DPF3: variants seen among roughly 807,000 people sequenced by gnomAD.
DPF3 encodes double PHD fingers 3, also known as zinc finger protein DPF3.
DPF3 carries 18 observed loss-of-function variants against 56.8 expected under a neutral mutation model. That is an observed-to-expected ratio of 0.32 (90% CI 0.22 to 0.47). The LOEUF (loss-of-function observed/expected upper bound fraction) is 0.47, where lower values mean the gene tolerates loss of function less well. Ranked by LOEUF, DPF3 falls within the 20% of genes least tolerant of loss-of-function variation. The pLI is 1.00. For missense variants in DPF3, 403 were observed against 488.8 expected (o/e 0.82, Z 1.65); for synonymous variants, 188 against 180.2 (o/e 1.04, Z -0.35).
At chr14:72,823,230 C>G (rs1044340529) in intron 1 of DPF3, among the ~76,000 whole-genome samples, 4 of 152,218 alleles carry the variant, frequency 2.6e-5, no homozygotes, top group African/African-American at 9.6e-5. Context: ...CCCTCCAGTT[C>G]TCCAAGGGAT....
chr14:72,627,634 A>G (rs978758107), intron 9 of DPF3, among the ~76,000 whole-genome samples: 2 of 151,946 alleles, frequency 1.3e-5, no homozygotes, highest in Non-Finnish European at 2.9e-5. Context: ...CTATTTTTGC[A>G]TGTTTGTTTC....
intron 6 of DPF3, among the ~76,000 whole-genome samples, chr14:72,712,605 G>T (rs1888703190): frequency 6.6e-6 from 1 of 152,236 alleles, no homozygotes; most frequent in Admixed American, 6.5e-5. Flanking sequence ...GGGTGCAGTG[G>T]CTCACACCTG....
At chr14:72,638,941 T>C (rs540504433) in intron 8 of DPF3, among the ~76,000 whole-genome samples, 2 of 152,082 alleles carry the variant, frequency 1.3e-5, no homozygotes, top group Admixed American at 1.3e-4. Flanking sequence ...CTCAGCCTCC[T>C]GAGTAGCTGG....
At position 72,617,505 on chromosome 14, in the gene DPF3, T is replaced by C. The variant is rs1158001064; in HGVS notation, c.*1792A>G. ...GGAAGGAAATTACTTATGAGGAAGA[T>C]GAAAATTCCATCCGGTCGGGGGCCC... On this transcript the variant is annotated 3_prime_UTR_variant, in exon 11 of 11. Coordinates refer to ENST00000556509, the MANE Select transcript of DPF3 (RefSeq NM_001280542.3). Among the ~76,000 whole-genome samples, 3 of 152,098 alleles carry C rather than the reference T, an allele frequency of 2.0e-5. No individual in the cohort carries two copies. The highest frequency in any genetic ancestry group is 2.1e-4 in the South Asian group (1 of 4,820).
At chr14:72,796,649 C>G (rs74976562) in intron 1 of DPF3, among the ~76,000 whole-genome samples, 1 of 152,152 alleles carries the variant, frequency 6.6e-6, no homozygotes, top group East Asian at 1.9e-4. Context: ...ATTGTATGTG[C>G]ATTAATTCAT....
At chr14:72,682,825 G>A (rs756435003) in intron 7 of DPF3, among the ~76,000 whole-genome samples, 6 of 152,322 alleles carry the variant, frequency 3.9e-5, no homozygotes, top group East Asian at 1.9e-4. Flanking sequence ...AGTCAGAGAC[G>A]TCTGCCCTAC....
intron 7 of DPF3, among the ~76,000 whole-genome samples, chr14:72,684,056 A>G (rs1168123299): frequency 6.6e-6 from 1 of 152,042 alleles, no homozygotes; most frequent in African/African-American, 2.4e-5. Context: ...ATATATATAT[A>G]TTTTCTTAGA....
chr14:72,825,400 A>G (rs1883750790), intron 1 of DPF3, among the ~76,000 whole-genome samples: 1 of 152,244 alleles, frequency 6.6e-6, no homozygotes, highest in Non-Finnish European at 1.5e-5. Flanking sequence ...CCATTCATTC[A>G]TTTGCTCAAC....
Position 72,766,598 on chromosome 14 carries a change from C to T in DPF3, c.193+5135G>A, listed in dbSNP as rs115198314. The stretch of plus-strand genomic sequence containing the variant: ...TCCCAAGTAGCTGGGACTACAGGCA[C>T]GCACCAACACACCTGGATAATTTTT... On this transcript the variant is annotated intron_variant, in intron 2 of 10. Transcript: ENST00000556509. 5.0e-3 allele frequency among the ~76,000 whole-genome samples: 756 copies of T among 152,224 alleles called. 9 individuals are homozygous for T. Among genetic ancestry groups the T allele is most frequent in the African/African-American group, 0.017 (716 of 41,532 alleles).
rs576282635 is a variant in DPF3 at position 72,701,868 on chromosome 14, C to T, written c.605-8655G>A. ...TCTGCCCCGTGGCACTGACATACAA[C>T]CCTGAGGACACCGCTTCCTTCTCTC... On this transcript the variant is annotated intron_variant, in intron 6 of 10. Coordinates refer to ENST00000556509, the MANE Select transcript of DPF3 (RefSeq NM_001280542.3). 1.8e-4 allele frequency among the ~76,000 whole-genome samples: 28 copies of T among 152,280 alleles called. 1 individual carries two copies. The South Asian group carries it at 5.8e-3, about 32-fold the overall frequency.
At chr14:72,860,159 T>G (rs1885339520) in intron 1 of DPF3, among the ~76,000 whole-genome samples, 1 of 147,790 alleles carries the variant, frequency 6.8e-6, no homozygotes, top group Non-Finnish European at 1.5e-5. Flanking sequence ...AATTTCACTT[T>G]TATTTTTATT....
chr14:72,794,887 C>T (rs1213204468), intron 1 of DPF3, among the ~76,000 whole-genome samples: 2 of 152,138 alleles, frequency 1.3e-5, no homozygotes, highest in African/African-American at 2.4e-5. Flanking sequence ...TTTCCAGCAG[C>T]TGGTGGCCTC....
chr14:72,810,093 C>T (rs1882971557), intron 1 of DPF3, among the ~76,000 whole-genome samples: 1 of 152,202 alleles, frequency 6.6e-6, no homozygotes, highest in African/African-American at 2.4e-5. Flanking sequence ...ATGCCTTCTT[C>T]CATAGCAATC....
intron 1 of DPF3, among the ~76,000 whole-genome samples, chr14:72,825,572 G>C (rs1883759859): frequency 6.6e-6 from 1 of 152,198 alleles, no homozygotes; most frequent in Admixed American, 6.5e-5. Context: ...GAACACCGCA[G>C]GGCGGGTGCA....
chr14:72,734,788 C>T (rs1889820739), intron 3 of DPF3, among the ~76,000 whole-genome samples: 1 of 152,184 alleles, frequency 6.6e-6, no homozygotes, highest in Non-Finnish European at 1.5e-5. Context: ...CAAGTTGCCA[C>T]TGAAATCACG....
At position 72,649,666 on chromosome 14, in the gene DPF3, G is replaced by GGGGC. The variant is rs1567189121; in HGVS notation, c.872-19931_872-19930insGCCC. Among the ~76,000 whole-genome samples the GGGGC allele has an allele frequency of 1.5e-5, 2 of 129,598 alleles. 1 individual carries two copies. Among genetic ancestry groups the GGGGC allele is most frequent in the African/African-American group, 5.7e-5 (2 of 35,376 alleles). The allele number at this position is 129,598 out of a possible 152,430, so 85.0% of individuals were successfully genotyped here. A position where few individuals can be genotyped will look rare whatever the true frequency, so the allele number is the denominator to read the frequency against. On this transcript the variant is annotated intron_variant, in intron 8 of 10. Coordinates refer to ENST00000556509, the MANE Select transcript of DPF3 (RefSeq NM_001280542.3). ...TGTCTCACTCATCCCTGGGTGGGGG[G>GGGGC]GGGGATTAATGTATTAGTACTATTG...
intron 3 of DPF3, among the ~76,000 whole-genome samples, chr14:72,742,912 G>A (rs560775609): frequency 3.9e-5 from 6 of 152,024 alleles, no homozygotes; most frequent in Non-Finnish European, 5.9e-5. Context: ...AAGTCCCTCC[G>A]CCTGGACCAC....
chr14:72,795,256 T>C (rs1000100587), intron 1 of DPF3, among the ~76,000 whole-genome samples: 30 of 137,042 alleles, frequency 2.2e-4, no homozygotes, highest in African/African-American at 7.5e-4. Flanking sequence ...CCCAGGAATA[T>C]TGAAGCTGTC....
intron 1 of DPF3, among the ~76,000 whole-genome samples, chr14:72,809,756 A>G (rs545941874): frequency 6.8e-4 from 103 of 152,174 alleles, no homozygotes; most frequent in Non-Finnish European, 1.3e-3. Context: ...CCAAGAACCC[A>G]ACTTTTCACT....
Sources: allele counts gnomAD v4.1 joint callset (sites outside exome capture counted in the v4.1 genomes callset), GRCh38; gene constraint gnomAD v4.1.1; transcripts MANE v1.5; gene names NCBI Gene and HGNC (gene_info 2026-07-23, HGNC 2026-07-21).